MTTP: variants seen among roughly 807,000 people sequenced by gnomAD.
MTTP encodes microsomal triglyceride transfer protein large subunit.
In MTTP, 49 loss-of-function variants were observed where a neutral mutation model predicts 90.6. The ratio of observed to expected loss-of-function variants is 0.54; its 90% CI spans 0.43 to 0.69. The LOEUF (loss-of-function observed/expected upper bound fraction) is 0.69. MTTP is among the 30% of genes least tolerant of loss of function. MTTP has a pLI of 0.00. For synonymous variants in MTTP, 347 were observed against 384.2 expected (o/e 0.90, Z 1.13); for missense variants, 945 against 1,067.5 (o/e 0.89, Z 1.60).
At chr4:99,620,722 T>C (rs1726208356) in intron 16 of MTTP, among the ~76,000 whole-genome samples, 1 of 152,226 alleles carries the variant, frequency 6.6e-6, no homozygotes. Context: ...TGGGTATTTC[T>C]GACCTGCTGA....
intron 1 of MTTP, among the ~76,000 whole-genome samples, chr4:99,567,001 C>G (rs557319791): frequency 5.3e-4 from 81 of 151,998 alleles, no homozygotes; most frequent in Non-Finnish European, 1.0e-3. Context: ...TAATTTCAGG[C>G]TAGGAAAGCC....
At chr4:99,575,689 CTG>C (rs1165641292) in intron 1 of MTTP, among the ~76,000 whole-genome samples, 1 of 152,106 alleles carries the variant, frequency 6.6e-6, no homozygotes. Flanking sequence ...TTTCATAAAA[CTG>C]TTGTGAAGTG....
In MTTP at chr4:99,623,159, A is replaced by C; in HGVS notation, c.*311A>C. 2.6e-6 allele frequency: 1 copy of C among 378,478 alleles called. No homozygotes were observed. The highest frequency in any genetic ancestry group is 5.0e-6 in the Non-Finnish European group (1 of 201,800). 23.4% of individuals were successfully genotyped at this position (378,478 alleles called of 1,614,324 possible). On this transcript the variant is annotated 3_prime_UTR_variant, in exon 18 of 18. Transcript: ENST00000265517. ...GAAACTAGTGTTTGTTAAAAACAAA[A>C]ATAAAAACAAAACCACACAAGGAGA...
Position 99,613,966 on chromosome 4 carries a change from C to T in MTTP, c.2217+826C>T, listed in dbSNP as rs984887218. Among the ~76,000 whole-genome samples, 85 of 151,998 alleles carry T rather than the reference C, an allele frequency of 5.6e-4. 5 individuals are homozygous for T. The highest frequency in any genetic ancestry group is 2.1e-4 in the South Asian group (1 of 4,808). On this transcript the variant is annotated intron_variant, in intron 15 of 17. Coordinates refer to ENST00000265517, the MANE Select transcript of MTTP (RefSeq NM_001386140.1). ...TTGATTTATTTTCTGCTTCACTAAG[C>T]ATAGCAACATAAAAAATGATATATT...
intron 10 of MTTP, among the ~76,000 whole-genome samples, chr4:99,603,502 C>T (rs1025296275): frequency 1.3e-5 from 2 of 152,008 alleles, no homozygotes; most frequent in Admixed American, 6.6e-5. Context: ...AATGTAGGGG[C>T]AGAGGGCTGA....
chr4:99,588,522 A>G (rs1725312541), intron 3 of MTTP, among the ~76,000 whole-genome samples: 1 of 151,962 alleles, frequency 6.6e-6, no homozygotes, highest in East Asian at 1.9e-4. Flanking sequence ...TATAAATATC[A>G]AAGATGATAA....
At chr4:99,567,623 G>A (rs376752475) in intron 1 of MTTP, among the ~76,000 whole-genome samples, 70 of 152,262 alleles carry the variant, frequency 4.6e-4, no homozygotes, top group African/African-American at 1.6e-3. Context: ...GTAAATTCTC[G>A]AAACCAACAA....
Position 99,619,020 on chromosome 4 carries a change from G to A in MTTP, c.2264G>A (p.Gly755Asp). The A allele has an allele frequency of 6.2e-7, 1 of 1,613,582 alleles. No homozygotes were observed. The highest frequency in any genetic ancestry group is 8.5e-7 in the Non-Finnish European group (1 of 1,179,628). Residue 755 changes from glycine (G) to aspartate (D), a missense_variant, in exon 16 of 18, where the codon GGT becomes GAT. Gly to Asp is a moderately conservative substitution (Grantham distance 94). Coordinates refer to ENST00000265517, the MANE Select transcript of MTTP (RefSeq NM_001386140.1). ...CTAAAAGCCAATATAGAGGTCCAGG[G>A]TGGTCTAGCTATTGATATTTCAGGT... ...SGLKANIEVQ[G>D]GLAIDISGAM...
At position 99,575,012 on chromosome 4, in the gene MTTP, T is replaced by G; in HGVS notation, c.61+42T>G. The G allele has an allele frequency of 1.9e-6, 3 of 1,602,974 alleles. No homozygotes were observed. In the African/African-American group the frequency reaches 4.0e-5, roughly 21 times the overall value. On this transcript the variant is annotated intron_variant, in intron 1 of 17. Coordinates refer to ENST00000265517, the MANE Select transcript of MTTP (RefSeq NM_001386140.1). ...TTTTGCTAAACTTTAATTTCCATCT[T>G]TGGAGTTGGAGGCAGATACGTGCGT...
At position 99,611,446 on chromosome 4, in the gene MTTP, G is replaced by A. The variant is rs147591201; in HGVS notation, c.1982G>A (p.Gly661Asp). 6.2e-6 allele frequency: 10 copies of A among 1,613,902 alleles called. No individual in the cohort carries two copies. The highest frequency in any genetic ancestry group is 2.7e-5 in the African/African-American group (2 of 74,916). ...FQYIGKAGLH[G>D]SQVVIEAQGL... ...TACATTGGGAAGGCTGGTCTTCACG[G>A]TAGCCAGGTAACTCACTTCTCATGG... Residue 661 changes from glycine to aspartate, a missense_variant, in exon 14 of 18, where the codon GGT becomes GAT. Physicochemically the swap from Gly to Asp is moderately conservative, Grantham distance 94. Transcript: ENST00000265517.
intron 12 of MTTP, 55 bp downstream of exon 12, chr4:99,609,032 G>A (rs1725890144): frequency 1.4e-6 from 2 of 1,469,814 alleles, no homozygotes; most frequent in East Asian, 2.3e-5. Flanking sequence ...GTGTGTTCAT[G>A]GGGTACCGAT....
intron 1 of MTTP, among the ~76,000 whole-genome samples, chr4:99,576,431 C>G (rs944436207): frequency 3.9e-5 from 6 of 152,120 alleles, no homozygotes; most frequent in African/African-American, 1.4e-4. Context: ...CGTGGTGGCT[C>G]ACGCCTGTAA....
intron 1 of MTTP, among the ~76,000 whole-genome samples, chr4:99,577,605 CAAAA>C (rs10605949): frequency 2.0e-5 from 2 of 101,316 alleles, no homozygotes; most frequent in East Asian, 3.3e-4. Flanking sequence ...AACTCTGTTT[CAAAA>C]AAAAAAAAAA....
At chr4:99,564,398 TAACTC>T (rs1483286052) in intron 1 of MTTP, 19 of 674,836 alleles carry the variant, frequency 2.8e-5, no homozygotes, top group Non-Finnish European at 4.2e-5. Flanking sequence ...TGATTTTACA[TAACTC>T]AAGTGGAAAA....
chr4:99,577,857 T>C (rs1332397705), intron 1 of MTTP, among the ~76,000 whole-genome samples: 1 of 152,178 alleles, frequency 6.6e-6, no homozygotes, highest in Non-Finnish European at 1.5e-5. Flanking sequence ...TTCTATTTAA[T>C]TTTGTCACCT....
At chr4:99,608,083 A>C (rs1725862376) in intron 11 of MTTP, among the ~76,000 whole-genome samples, 2 of 152,178 alleles carry the variant, frequency 1.3e-5, no homozygotes, top group African/African-American at 4.8e-5. Context: ...TTAAAATTCT[A>C]TATTAGTTAG....
chr4:99,570,043 T>C (rs113113524), upstream of MTTP, among the ~76,000 whole-genome samples: 243 of 152,022 alleles, frequency 1.6e-3, no homozygotes, highest in African/African-American at 5.7e-3. Context: ...GTGCACTTTA[T>C]GCCTAACTCC....
At chr4:99,595,097 T>C (rs1725523174) in intron 7 of MTTP, among the ~76,000 whole-genome samples, 1 of 152,150 alleles carries the variant, frequency 6.6e-6, no homozygotes, top group African/African-American at 2.4e-5. Context: ...TCTCAAAAAG[T>C]GTTATAACTC....
chr4:99,566,314 AG>A (rs1177784048), intron 1 of MTTP, among the ~76,000 whole-genome samples: 9 of 151,348 alleles, frequency 5.9e-5, no homozygotes, highest in East Asian at 1.9e-4. Flanking sequence ...AAAAAAAAAA[AG>A]AAAAATAGGT....
Sources: gnomAD v4.1 joint callset for allele counts (sites outside exome capture counted in the v4.1 genomes callset) on GRCh38, gnomAD v4.1.1 for gene constraint, MANE v1.5 for transcripts, NCBI Gene and HGNC (gene_info 2026-07-23, HGNC 2026-07-21) for gene names.